SUZ12: variants seen among roughly 807,000 people sequenced by gnomAD.
SUZ12 encodes the protein polycomb protein SUZ12.
Under a neutral mutation model 87.3 loss-of-function variants are expected in SUZ12, and 17 were observed. The observed-to-expected ratio is 0.19, with a 90% CI of 0.13 to 0.29. The LOEUF is 0.29. Ranked by LOEUF, SUZ12 falls within the 10% of genes least tolerant of loss-of-function variation. SUZ12 has a pLI of 1.00. For synonymous variants in SUZ12, 253 were observed against 312.4 expected (o/e 0.81, Z 2.01); for missense variants, 526 against 912.2 (o/e 0.58, Z 5.45).
chr17:31,964,256 A>T (rs1215565068), intron 4 of SUZ12, among the ~76,000 whole-genome samples: 2 of 151,528 alleles, frequency 1.3e-5, no homozygotes, highest in Non-Finnish European at 2.9e-5. Flanking sequence ...TCATCTTCTG[A>T]TCTCTTGATC....
At chr17:31,994,483 C>T in intron 12 of SUZ12, 81 bp from the exon 13 acceptor site, 8 of 1,304,570 alleles carry the variant, frequency 6.1e-6, no homozygotes, top group East Asian at 2.7e-5. Context: ...ATATTAAGAG[C>T]CCACAAATTC....
rs1293655623 is a variant in SUZ12 at position 31,980,586 on chromosome 17, A to T, written c.918-2413A>T. On this transcript the variant is annotated intron_variant, in intron 8 of 15. Coordinates refer to ENST00000322652, the MANE Select transcript of SUZ12 (RefSeq NM_015355.4). ...TGCCTCAGCCTCCCGAGTAGCTGGG[A>T]TTAAGGCATGCGCCACCATGCCTGG... 2.0e-5 allele frequency among the ~76,000 whole-genome samples: 3 copies of T among 151,536 alleles called. No individual in the cohort carries two copies. The East Asian group carries it at 5.8e-4, about 29-fold the overall frequency.
intron 5 of SUZ12, chr17:31,967,661 C>T (rs1598166815): frequency 6.6e-6 from 1 of 152,460 alleles, no homozygotes; most frequent in Non-Finnish European, 1.5e-5. Flanking sequence ...GGGAAGATGA[C>T]TTGAGGCCAG....
Position 31,937,500 on chromosome 17 carries a change from T to C in SUZ12, c.254T>C (p.Leu85Pro). The change falls in exon 1 of 16, where the codon CTT (leucine) becomes CCT (proline). Residue 85 changes from leucine (L) to proline (P), a missense_variant. Around this residue, in one of 9 missense-constraint regions of SUZ12, gnomAD observed 18 missense variants for 62.3 expected, o/e 0.29. Coordinates refer to ENST00000322652, the MANE Select transcript of SUZ12 (RefSeq NM_015355.4). ...GAGCACGTCCAGGCTGACCACGAGC[T>C]TTTCCTCCAGGCCTTTGAGAGTGAG... is the stretch of plus-strand genomic sequence containing the variant. ...KMEHVQADHE[L>P]FLQAFEKPTQ... is the part of the protein sequence containing the mutation. The C allele has an allele frequency of 6.5e-7, 1 of 1,540,834 alleles. No homozygotes were observed. Among genetic ancestry groups the C allele is most frequent in the Non-Finnish European group, 8.7e-7 (1 of 1,146,392 alleles).
intron 1 of SUZ12, among the ~76,000 whole-genome samples, chr17:31,938,588 T>G (rs890243134): frequency 6.6e-6 from 1 of 152,214 alleles, no homozygotes; most frequent in African/African-American, 2.4e-5. Context: ...TTGAACCTGC[T>G]TCAGAGAGAT....
At chr17:31,942,215 G>GT (rs1249723621) in intron 3 of SUZ12, among the ~76,000 whole-genome samples, 10 of 152,160 alleles carry the variant, frequency 6.6e-5, no homozygotes, top group Admixed American at 5.9e-4. Context: ...AGGGCTCAGG[G>GT]TAACTATATT....
intron 15 of SUZ12, among the ~76,000 whole-genome samples, chr17:31,998,269 C>T (rs917734037): frequency 2.0e-5 from 3 of 151,970 alleles, no homozygotes; most frequent in Non-Finnish European, 2.9e-5. Flanking sequence ...TTAGTAGAGA[C>T]GGGGTTTCAC....
chr17:31,954,692 T>C (rs1044508786), intron 4 of SUZ12, among the ~76,000 whole-genome samples: 6 of 151,990 alleles, frequency 3.9e-5, no homozygotes, highest in Non-Finnish European at 2.9e-5. Context: ...TCATTTGAGG[T>C]GTTAGATTTG....
At chr17:31,962,158 A>G (rs58673857) in intron 4 of SUZ12, among the ~76,000 whole-genome samples, 26,357 of 150,092 alleles carry the variant, frequency 0.18, no homozygotes, top group African/African-American at 0.32. Context: ...AAGCCTGACC[A>G]GGCACAGTGG....
intron 5 of SUZ12, among the ~76,000 whole-genome samples, chr17:31,972,715 G>A (rs1232688663): frequency 6.7e-6 from 1 of 150,262 alleles, no homozygotes; most frequent in African/African-American, 2.4e-5. Context: ...TGCCTGGCCA[G>A]TGAATATTTT....
chr17:31,970,475 C>A (rs548298), intron 5 of SUZ12, among the ~76,000 whole-genome samples: 23,347 of 151,482 alleles, frequency 0.15, 2,007 homozygotes, highest in African/African-American at 0.22. Flanking sequence ...TGAAAATAAC[C>A]AAATTAGCTG....
At chr17:31,946,017 C>T (rs558173634) in intron 3 of SUZ12, among the ~76,000 whole-genome samples, 49 of 152,196 alleles carry the variant, frequency 3.2e-4, no homozygotes, top group African/African-American at 7.7e-4. Flanking sequence ...CTTCAGAAAG[C>T]GCTTCTTACT....
At chr17:31,994,852 GGTT>G (rs1466378303) in intron 13 of SUZ12, 131 bp downstream of exon 13, 14 of 906,990 alleles carry the variant, frequency 1.5e-5, no homozygotes, top group Non-Finnish European at 2.2e-5. Flanking sequence ...GTGTCTATGG[GGTT>G]GTTAACTACT....
chr17:31,964,945 G>A lies in SUZ12; in HGVS notation c.456-1202G>A, dbSNP rs142602558. On this transcript the variant is annotated intron_variant, in intron 4 of 15. Coordinates refer to ENST00000322652, the MANE Select transcript of SUZ12 (RefSeq NM_015355.4). The stretch of plus-strand genomic sequence containing the variant: ...TGTAGTGAGCCAAGATTGCGCCATT[G>A]CACTCCAACCTGGGCGAGAAGAGCG... Among the ~76,000 whole-genome samples, 1,343 of 151,910 alleles carry A rather than the reference G, an allele frequency of 8.8e-3. 52 individuals are homozygous for A. Among genetic ancestry groups the A allele is most frequent in the Admixed American group, 0.067 (1,024 of 15,220 alleles).
intron 4 of SUZ12, among the ~76,000 whole-genome samples, chr17:31,962,693 C>T (rs1317529234): frequency 2.0e-5 from 3 of 152,200 alleles, no homozygotes; most frequent in Non-Finnish European, 1.5e-5. Context: ...AGAATTCAAA[C>T]TTGGATTTTC....
intron 11 of SUZ12, among the ~76,000 whole-genome samples, chr17:31,993,587 AT>A (rs1909829346): frequency 1.3e-5 from 2 of 151,922 alleles, no homozygotes; most frequent in African/African-American, 4.8e-5. Context: ...CTCCTGGCTA[AT>A]TTTTGTAGTT....
intron 1 of SUZ12, among the ~76,000 whole-genome samples, chr17:31,939,997 CTT>C (rs1185881917): frequency 6.6e-6 from 1 of 152,166 alleles, no homozygotes; most frequent in African/African-American, 2.4e-5. Context: ...AACTACTTCT[CTT>C]GAGTTCTGCT....
At chr17:31,980,328 G>A (rs1439157524) in intron 8 of SUZ12, among the ~76,000 whole-genome samples, 2 of 148,458 alleles carry the variant, frequency 1.3e-5, no homozygotes, top group South Asian at 2.1e-4. Flanking sequence ...CTCATATTTT[G>A]TCAGGAGGAG....
chr17:31,978,828 C>G (rs1331029787), intron 8 of SUZ12, among the ~76,000 whole-genome samples: 1 of 151,988 alleles, frequency 6.6e-6, no homozygotes, highest in Non-Finnish European at 1.5e-5. Context: ...AAATATTCAC[C>G]CGGGCATGGT....
Sources: allele counts gnomAD v4.1 joint callset (sites outside exome capture counted in the v4.1 genomes callset), GRCh38; gene constraint gnomAD v4.1.1; regional missense constraint gnomAD v4.1.1; transcripts MANE v1.5; gene names NCBI Gene and HGNC (gene_info 2026-07-23, HGNC 2026-07-21).